The following CNTLN variants were observed in gnomAD, a reference collection of about 807,000 sequenced individuals.
CNTLN encodes the protein centlein, centrosomal protein.
A neutral mutation model predicts 180.0 loss-of-function variants in CNTLN; 212 were observed. The observed-to-expected ratio is 1.18, with a 90% confidence interval of 1.05 to 1.32. The LOEUF (loss-of-function observed/expected upper bound fraction) is 1.32. Ranked by LOEUF, CNTLN falls within the 40% of genes most tolerant of loss-of-function variation. The probability of loss-of-function intolerance (pLI) is 0.00; values close to 1 mark genes in which losing one functional copy is unlikely to be tolerated. For missense variants in CNTLN, 2,095 were observed against 1,610.9 expected (o/e 1.30, Z -5.14); for synonymous variants, 722 against 563.1 (o/e 1.28, Z -3.99).
intron 12 of CNTLN, among the ~76,000 whole-genome samples, chr9:17,347,474 G>C (rs1821992723): frequency 6.6e-6 from 1 of 152,112 alleles, no homozygotes; most frequent in Non-Finnish European, 1.5e-5. Flanking sequence ...TTCGAGACCA[G>C]CCTGGACAAC....
At chr9:17,364,320 T>C (rs542699956) in intron 12 of CNTLN, among the ~76,000 whole-genome samples, 1 of 152,252 alleles carries the variant, frequency 6.6e-6, no homozygotes, top group South Asian at 2.1e-4. Context: ...TTCCTTTACC[T>C]CCTTCTGCTC....
chr9:17,146,358 C>T (rs1271774070), intron 2 of CNTLN, among the ~76,000 whole-genome samples: 3 of 151,820 alleles, frequency 2.0e-5, no homozygotes, highest in South Asian at 2.1e-4. Context: ...ACTTTTTGTT[C>T]CATCAATAAG....
chr9:17,463,373 C>G (rs1454492359), intron 20 of CNTLN, among the ~76,000 whole-genome samples: 1 of 151,408 alleles, frequency 6.6e-6, no homozygotes, highest in Non-Finnish European at 1.5e-5. Flanking sequence ...GCTTATAAAG[C>G]TAAGGTAAAA....
rs1373687142 is a variant in CNTLN at position 17,416,002 on chromosome 9, A to G, written c.2927A>G (p.Lys976Arg). The G allele has an allele frequency of 1.9e-6, 3 of 1,612,634 alleles. No homozygotes were observed. The Admixed American group carries it at 5.0e-5, about 27-fold the overall frequency. ...AAGTACAAAAATATAACTGCCCAGA[A>G]ATCAAGTAGCAATATTATTTTATTA... ...REKYKNITAQ[K>R]SSSNIILLRE... The change falls in exon 18 of 26, where the codon AAA (lysine) becomes AGA (arginine). Residue 976 changes from lysine to arginine, a missense_variant. Lys to Arg is a conservative substitution (Grantham distance 26, BLOSUM62 2). Coordinates refer to ENST00000380647, the MANE Select transcript of CNTLN (RefSeq NM_017738.4).
At chr9:17,478,122 T>C (rs1564139667) in intron 23 of CNTLN, among the ~76,000 whole-genome samples, 1 of 152,240 alleles carries the variant, frequency 6.6e-6, no homozygotes, top group Non-Finnish European at 1.5e-5. Flanking sequence ...TTTTTAATAA[T>C]AAAGTATTTT....
chr9:17,152,139 G>C (rs1199180694), intron 2 of CNTLN, among the ~76,000 whole-genome samples: 1 of 152,038 alleles, frequency 6.6e-6, no homozygotes, highest in African/African-American at 2.4e-5. Flanking sequence ...TTTTTGAAGG[G>C]TTTTTTGTGT....
At chr9:17,179,928 C>T (rs181626532) in intron 2 of CNTLN, among the ~76,000 whole-genome samples, 1 of 152,220 alleles carries the variant, frequency 6.6e-6, no homozygotes, top group East Asian at 1.9e-4. Flanking sequence ...ATGTCCCTTA[C>T]TTTCCCTAGT....
At chr9:17,442,533 G>A (rs1830170453) in intron 18 of CNTLN, among the ~76,000 whole-genome samples, 1 of 152,082 alleles carries the variant, frequency 6.6e-6, no homozygotes, top group African/African-American at 2.4e-5. Context: ...TGAGTAGCTG[G>A]GATTACAGGC....
chr9:17,258,470 T>G, intron 5 of CNTLN, among the ~76,000 whole-genome samples: 1 of 151,424 alleles, frequency 6.6e-6, no homozygotes, highest in Middle Eastern at 3.2e-3. Context: ...GGCTCTCTTT[T>G]GGTTCCATAT....
chr9:17,214,795 C>T (rs1387072889), intron 2 of CNTLN, among the ~76,000 whole-genome samples: 1 of 152,162 alleles, frequency 6.6e-6, no homozygotes, highest in Non-Finnish European at 1.5e-5. Flanking sequence ...CACTTCATTT[C>T]ATTCATTTGA....
intron 19 of CNTLN, among the ~76,000 whole-genome samples, chr9:17,461,871 C>A (rs1831469905): frequency 6.6e-6 from 1 of 151,664 alleles, no homozygotes; most frequent in Non-Finnish European, 1.5e-5. Context: ...TCTTAGATTA[C>A]ACATTTAGTT....
chr9:17,457,258 A>G (rs1050317139), intron 18 of CNTLN, among the ~76,000 whole-genome samples: 1 of 152,090 alleles, frequency 6.6e-6, no homozygotes, highest in African/African-American at 2.4e-5. Flanking sequence ...TGTGAAGGTA[A>G]AGAAATAGTG....
intron 8 of CNTLN, among the ~76,000 whole-genome samples, chr9:17,311,946 T>G (rs10963025): frequency 0.23 from 34,831 of 152,078 alleles, 4,241 homozygotes; most frequent in South Asian, 0.37. Context: ...ACTTATTTAT[T>G]GAGCTAAAAT....
intron 5 of CNTLN, among the ~76,000 whole-genome samples, chr9:17,270,223 A>T (rs1262752345): frequency 6.6e-6 from 1 of 152,074 alleles, no homozygotes; most frequent in Non-Finnish European, 1.5e-5. Context: ...TGAACATTTC[A>T]CCATTAATTA....
chr9:17,413,181 A>C (rs1471104985), intron 16 of CNTLN, among the ~76,000 whole-genome samples: 1 of 150,340 alleles, frequency 6.7e-6, no homozygotes, highest in Non-Finnish European at 1.5e-5. Flanking sequence ...CCTTTCAAAA[A>C]ATGGTGCTGG....
chr9:17,336,603 T>C (rs889728746), intron 10 of CNTLN, among the ~76,000 whole-genome samples: 1 of 152,234 alleles, frequency 6.6e-6, no homozygotes, highest in East Asian at 1.9e-4. Flanking sequence ...TTATTTTTAA[T>C]AGTTTAGATT....
chr9:17,315,201 T>A (rs2132979558), intron 8 of CNTLN, among the ~76,000 whole-genome samples: 1 of 152,258 alleles, frequency 6.6e-6, no homozygotes, highest in Admixed American at 6.5e-5. Flanking sequence ...CATTTTGTAT[T>A]TTTTGGATAA....
intron 13 of CNTLN, among the ~76,000 whole-genome samples, chr9:17,381,257 C>T (rs1388472032): frequency 1.3e-5 from 2 of 152,190 alleles, no homozygotes; most frequent in Non-Finnish European, 2.9e-5. Context: ...GATATGGTAA[C>T]AAACAATTTC....
chr9:17,391,562 G>C (rs1218143104), intron 14 of CNTLN, among the ~76,000 whole-genome samples: 1 of 151,878 alleles, frequency 6.6e-6, no homozygotes, highest in Non-Finnish European at 1.5e-5. Flanking sequence ...TTAATGAGTT[G>C]TCCCCAAACT....
Sources: gnomAD v4.1 joint callset for allele counts (sites outside exome capture counted in the v4.1 genomes callset) on GRCh38, gnomAD v4.1.1 for gene constraint, MANE v1.5 for transcripts, NCBI Gene and HGNC (gene_info 2026-07-23, HGNC 2026-07-21) for gene names.